PTPRD: variants seen among roughly 807,000 people sequenced by gnomAD.
PTPRD encodes the protein protein tyrosine phosphatase receptor type D, also known as receptor-type tyrosine-protein phosphatase delta.
Under a neutral mutation model 214.5 loss-of-function variants are expected in PTPRD, and 34 were observed. That is an observed-to-expected ratio of 0.16 (90% CI 0.12 to 0.21). The LOEUF is 0.21. Ranked by LOEUF, PTPRD falls within the 10% of genes least tolerant of loss-of-function variation. The pLI is 1.00. For synonymous variants in PTPRD, 1,128 were observed against 845.7 expected (o/e 1.33, Z -5.79); for missense variants, 2,545 against 2,398.7 (o/e 1.06, Z -1.27).
chr9:9,827,679 C>T (rs1435884770), intron 5 of PTPRD, among the ~76,000 whole-genome samples: 3 of 152,100 alleles, frequency 2.0e-5, no homozygotes, highest in African/African-American at 4.8e-5. Flanking sequence ...AACTAAAGAG[C>T]TTCTGCACAG....
chr9:8,934,488 T>A (rs13299629), intron 11 of PTPRD, among the ~76,000 whole-genome samples: 2 of 21,834 alleles, frequency 9.2e-5, no homozygotes, highest in Non-Finnish European at 1.5e-4. Flanking sequence ...AATATATATA[T>A]ATATAAATAT....
At chr9:10,521,305 A>C (rs1259809660) in intron 2 of PTPRD, among the ~76,000 whole-genome samples, 1 of 152,146 alleles carries the variant, frequency 6.6e-6, no homozygotes, top group South Asian at 2.1e-4. Context: ...AGAATTAGAA[A>C]TGGATCCCGA....
intron 39 of PTPRD, among the ~76,000 whole-genome samples, chr9:8,349,677 A>T (rs1248962212): frequency 6.6e-6 from 1 of 152,170 alleles, no homozygotes; most frequent in East Asian, 1.9e-4. Context: ...TTAAAAAAGG[A>T]GTGCATAACC....
intron 8 of PTPRD, among the ~76,000 whole-genome samples, chr9:9,486,932 C>G (rs918351569): frequency 2.0e-5 from 3 of 152,092 alleles, no homozygotes; most frequent in Admixed American, 6.6e-5. Flanking sequence ...TATCACCGTG[C>G]CTTGCAAATG....
chr9:10,597,373 T>G (rs2133196169), intron 2 of PTPRD, among the ~76,000 whole-genome samples: 1 of 151,918 alleles, frequency 6.6e-6, no homozygotes, highest in East Asian at 1.9e-4. Context: ...TTCGAATGAA[T>G]ATGCTTTGAG....
chr9:9,978,426 G>A (rs1384765436), intron 4 of PTPRD, among the ~76,000 whole-genome samples: 1 of 151,896 alleles, frequency 6.6e-6, no homozygotes, highest in Non-Finnish European at 1.5e-5. Flanking sequence ...TTCCGTCAAT[G>A]GATACATAAG....
chr9:9,130,617 T>A (rs904143317), intron 10 of PTPRD, among the ~76,000 whole-genome samples: 1 of 152,200 alleles, frequency 6.6e-6, no homozygotes, highest in African/African-American at 2.4e-5. Flanking sequence ...TTATTGAGAC[T>A]TACCTCAAAG....
At chr9:10,575,761 T>C (rs1007046073) in intron 2 of PTPRD, among the ~76,000 whole-genome samples, 2 of 152,078 alleles carry the variant, frequency 1.3e-5, no homozygotes, top group African/African-American at 4.8e-5. Flanking sequence ...AGTCTCTCTC[T>C]CTCTGTCTCT....
At chr9:10,423,003 C>A (rs2098559749) in intron 2 of PTPRD, among the ~76,000 whole-genome samples, 1 of 152,070 alleles carries the variant, frequency 6.6e-6, no homozygotes, top group Admixed American at 6.6e-5. Context: ...GACACATGCA[C>A]ACATATGTTT....
At chr9:9,706,122 A>G (rs1460033576) in intron 7 of PTPRD, among the ~76,000 whole-genome samples, 1 of 152,184 alleles carries the variant, frequency 6.6e-6, no homozygotes, top group Non-Finnish European at 1.5e-5. Context: ...ATTATTATGA[A>G]TAATAGTACT....
At chr9:9,719,600 A>G (rs1313295777) in intron 7 of PTPRD, among the ~76,000 whole-genome samples, 3 of 152,154 alleles carry the variant, frequency 2.0e-5, no homozygotes, top group African/African-American at 7.2e-5. Flanking sequence ...CAGGACTGAA[A>G]GAGTTGTAAC....
intron 3 of PTPRD, among the ~76,000 whole-genome samples, chr9:10,062,541 G>A (rs778801051): frequency 9.2e-5 from 14 of 152,026 alleles, no homozygotes; most frequent in Non-Finnish European, 1.8e-4. Flanking sequence ...GCAAGGCAGA[G>A]GTTGCAGTTA....
At chr9:10,367,522 C>T (rs1046715964) in intron 2 of PTPRD, among the ~76,000 whole-genome samples, 6 of 152,050 alleles carry the variant, frequency 3.9e-5, no homozygotes, top group African/African-American at 1.4e-4. Flanking sequence ...GAAAGTTTCA[C>T]GTCCTGGAAG....
intron 5 of PTPRD, among the ~76,000 whole-genome samples, chr9:9,891,093 C>A (rs989800351): frequency 6.6e-6 from 1 of 151,994 alleles, no homozygotes; most frequent in Non-Finnish European, 1.5e-5. Flanking sequence ...ATGGTCATGT[C>A]TTGGCAACTA....
At chr9:8,925,865 T>A (rs1365103685) in intron 11 of PTPRD, among the ~76,000 whole-genome samples, 3 of 150,904 alleles carry the variant, frequency 2.0e-5, no homozygotes, top group African/African-American at 7.3e-5. Context: ...AATATTTTTT[T>A]TTTTTTTTTT....
chr9:9,446,474 G>C (rs1396250038), intron 8 of PTPRD, among the ~76,000 whole-genome samples: 2 of 152,260 alleles, frequency 1.3e-5, no homozygotes, highest in East Asian at 1.9e-4. Flanking sequence ...CTTTCGTGAG[G>C]TTTTAACATT....
intron 12 of PTPRD, among the ~76,000 whole-genome samples, chr9:8,719,165 C>A (rs1047389352): frequency 1.3e-5 from 2 of 152,130 alleles, no homozygotes; most frequent in South Asian, 2.1e-4. Context: ...GTCAGGCACA[C>A]CGTGCAATGA....
At chr9:8,441,236 A>T (rs2095537635) in intron 34 of PTPRD, among the ~76,000 whole-genome samples, 1 of 152,186 alleles carries the variant, frequency 6.6e-6, no homozygotes. Flanking sequence ...ACTATGTGAA[A>T]AACAGCCATA....
chr9:9,463,331 C>A (rs910023237), intron 8 of PTPRD, among the ~76,000 whole-genome samples: 1 of 151,958 alleles, frequency 6.6e-6, no homozygotes, highest in African/African-American at 2.4e-5. Flanking sequence ...CTACATTAAC[C>A]AAATCTAGAC....
Sources: allele counts gnomAD v4.1 joint callset (sites outside exome capture counted in the v4.1 genomes callset), GRCh38; gene constraint gnomAD v4.1.1; transcripts MANE v1.5; gene names NCBI Gene and HGNC (gene_info 2026-07-23, HGNC 2026-07-21).